Variants in EIPR1 observed in about 807,000 individuals in gnomAD.
The protein encoded by EIPR1 is EARP and GARP complex-interacting protein 1.
A neutral mutation model predicts 48.1 loss-of-function variants in EIPR1; 25 were observed. The ratio of observed to expected loss-of-function variants is 0.52; its 90% confidence interval spans 0.38 to 0.73. The LOEUF (loss-of-function observed/expected upper bound fraction) is 0.73, where lower values mean the gene tolerates loss of function less well. Ranked by LOEUF, EIPR1 falls within the 30% of genes least tolerant of loss-of-function variation. The pLI is 0.00. For missense variants in EIPR1, 415 were observed against 506.2 expected, an observed-to-expected ratio of 0.82 and a Z score of 1.73; for synonymous variants, 204 against 201.9, an observed-to-expected ratio of 1.01 and a Z score of -0.09.
intron 4 of EIPR1, among the ~76,000 whole-genome samples, chr2:3,215,536 AG>A (rs1344274654): frequency 6.6e-6 from 1 of 152,246 alleles, no homozygotes; most frequent in African/African-American, 2.4e-5. Context: ...TCTGCGATAA[AG>A]CCATAAAGGG....
At chr2:3,308,296 C>G (rs1168384151) in intron 3 of EIPR1, among the ~76,000 whole-genome samples, 6 of 152,088 alleles carry the variant, frequency 3.9e-5, no homozygotes, top group Non-Finnish European at 8.8e-5. Context: ...GATCTTAAAG[C>G]AGCCGCCATA....
At chr2:3,208,616 G>A in intron 5 of EIPR1, 1 of 1,550,626 alleles carries the variant, frequency 6.4e-7, no homozygotes, top group Non-Finnish European at 8.7e-7. Flanking sequence ...TCTGTTGAAT[G>A]AATTTGGCCA....
chr2:3,313,452 G>C (rs1010169562), intron 3 of EIPR1, among the ~76,000 whole-genome samples: 1 of 152,144 alleles, frequency 6.6e-6, no homozygotes. Context: ...GTGGCTTGGG[G>C]CCAGCTCACA....
At chr2:3,325,487 C>T (rs543222367) in intron 3 of EIPR1, among the ~76,000 whole-genome samples, 12 of 152,314 alleles carry the variant, frequency 7.9e-5, no homozygotes, top group African/African-American at 2.6e-4. Flanking sequence ...ACCTTCCACT[C>T]GAGGGCCGCC....
intron 3 of EIPR1, among the ~76,000 whole-genome samples, chr2:3,270,140 T>C (rs1182584003): frequency 6.6e-6 from 1 of 152,226 alleles, no homozygotes; most frequent in Non-Finnish European, 1.5e-5. Flanking sequence ...GCCTCCATTT[T>C]GCCCATATAA....
In EIPR1 at chr2:3,220,956, ATG is replaced by A. The variant is rs1558232855; in HGVS notation, c.417-6710_417-6709del. 3.3e-3 allele frequency among the ~76,000 whole-genome samples: 424 copies of A among 128,692 alleles called. 7 individuals carry two copies. Among genetic ancestry groups the A allele is most frequent in the African/African-American group, 4.1e-3 (143 of 34,680 alleles). The allele number at this position is 128,692 out of a possible 152,430, so 84.4% of individuals were successfully genotyped here. ...TTACAGCATTTATAGTCAGGTGCAC[ATG>A]CACACGATGACCATGGTACACTCTA... On this transcript the variant is annotated intron_variant, in intron 4 of 8. Coordinates refer to ENST00000382125, the MANE Select transcript of EIPR1 (RefSeq NM_003310.5).
chr2:3,215,095 G>A (rs755588171), intron 4 of EIPR1, among the ~76,000 whole-genome samples: 3 of 152,290 alleles, frequency 2.0e-5, no homozygotes, highest in South Asian at 2.1e-4. Context: ...TGTTGACGCC[G>A]CCCAGCGTGT....
chr2:3,269,815 G>A (rs1160157030), intron 3 of EIPR1, among the ~76,000 whole-genome samples: 1 of 152,226 alleles, frequency 6.6e-6, no homozygotes. Flanking sequence ...ACAGGCAGAT[G>A]GCACAACTAG....
At position 3,201,899 on chromosome 2, in the gene EIPR1, A is replaced by G. The variant is rs1053472020; in HGVS notation, c.517-4882T>C. ...GCTTTAACTTTGGCAACTTACAGTT[A>G]GTTAGGTTCAATGTCTTTTTATTTT... On this transcript the variant is annotated intron_variant, in intron 5 of 8. Coordinates refer to ENST00000382125, the MANE Select transcript of EIPR1 (RefSeq NM_003310.5). Among the ~76,000 whole-genome samples, 15 of 152,318 alleles carry G rather than the reference A, an allele frequency of 9.8e-5. No individual in the cohort carries two copies. The East Asian group carries it at 2.9e-3, about 29-fold the overall frequency.
At chr2:3,294,945 T>TCC (rs1309251347) in intron 3 of EIPR1, among the ~76,000 whole-genome samples, 3 of 66,294 alleles carry the variant, frequency 4.5e-5, no homozygotes, top group Admixed American at 1.6e-4. Flanking sequence ...CCATCCTCTC[T>TCC]ACACACACAC....
At chr2:3,260,804 G>A (rs1000791674) in intron 3 of EIPR1, among the ~76,000 whole-genome samples, 5 of 152,132 alleles carry the variant, frequency 3.3e-5, no homozygotes, top group Non-Finnish European at 7.3e-5. Context: ...GAGGCAAAGT[G>A]AAACCATGTG....
intron 3 of EIPR1, among the ~76,000 whole-genome samples, chr2:3,276,534 G>A (rs2103252952): frequency 6.6e-6 from 1 of 152,304 alleles, no homozygotes; most frequent in East Asian, 1.9e-4. Context: ...CAGCACCCTT[G>A]GGCCACCACA....
chr2:3,208,475 A>C (rs1330321343), intron 5 of EIPR1: 2 of 1,510,086 alleles, frequency 1.3e-6, no homozygotes, highest in East Asian at 4.9e-5. Context: ...CTCATCTGTC[A>C]GTTGGGAGGG....
At chr2:3,269,561 G>C (rs111206507) in intron 3 of EIPR1, among the ~76,000 whole-genome samples, 1 of 85,884 alleles carries the variant, frequency 1.2e-5, no homozygotes, top group Non-Finnish European at 2.2e-5. Flanking sequence ...ATCGCACTCA[G>C]TCATCGCACT....
chr2:3,194,334 C>T, intron 6 of EIPR1, 168 bp from the exon 7 acceptor site: 1 of 692,314 alleles, frequency 1.4e-6, no homozygotes, highest in Non-Finnish European at 2.4e-6. Flanking sequence ...GCGCCACCTC[C>T]TCCATCCCAG....
At chr2:3,288,570 T>C (rs1216304167) in intron 3 of EIPR1, among the ~76,000 whole-genome samples, 2 of 152,174 alleles carry the variant, frequency 1.3e-5, no homozygotes, top group Admixed American at 6.5e-5. Context: ...AGGGTGTCAC[T>C]GTGGCCCTTA....
intron 3 of EIPR1, chr2:3,298,222 T>A (rs542695881): frequency 6.6e-6 from 1 of 152,384 alleles, no homozygotes; most frequent in Non-Finnish European, 1.5e-5. Flanking sequence ...GCCCCACTCT[T>A]ACCCGTTTCA....
Position 3,207,140 on chromosome 2 carries a change from C to T in EIPR1, c.516+7009G>A, listed in dbSNP as rs79763228. 3.3e-4 allele frequency among the ~76,000 whole-genome samples: 51 copies of T among 152,248 alleles called. 1 individual carries two copies. The East Asian group carries it at 9.9e-3, about 29-fold the overall frequency. On this transcript the variant is annotated intron_variant, in intron 5 of 8. Coordinates refer to ENST00000382125, the MANE Select transcript of EIPR1 (RefSeq NM_003310.5). Reference sequence around the variant, plus strand: ...TGCTCCATCCGCATCCATGTACCCACACACCCATCCACGCGTCCACCCACC... The same window carrying T: ...TGCTCCATCCGCATCCATGTACCCATACACCCATCCACGCGTCCACCCACC...
At chr2:3,259,304 A>C (rs181318391) in intron 3 of EIPR1, among the ~76,000 whole-genome samples, 10 of 152,290 alleles carry the variant, frequency 6.6e-5, no homozygotes, top group Admixed American at 6.5e-4. Context: ...CACATCCCCA[A>C]CAAGTTCCTT....
Sources: gnomAD v4.1 joint callset for allele counts (sites outside exome capture counted in the v4.1 genomes callset) on GRCh38, gnomAD v4.1.1 for gene constraint, MANE v1.5 for transcripts, NCBI Gene and HGNC (gene_info 2026-07-23, HGNC 2026-07-21) for gene names.